PFDN1: variants seen among roughly 807,000 people sequenced by gnomAD.
PFDN1 encodes prefoldin subunit 1, also known as prefoldin 1.
Under a neutral mutation model 17.3 loss-of-function variants are expected in PFDN1, and 6 were observed. The observed-to-expected ratio is 0.35, with a 90% CI of 0.19 to 0.69. The LOEUF (loss-of-function observed/expected upper bound fraction) is 0.69, where lower values mean the gene tolerates loss of function less well. Among genes scored for constraint, PFDN1 ranks in the 30% least tolerant of loss-of-function variants. The pLI, the probability that PFDN1 is intolerant of heterozygous loss-of-function variation, is 0.65. For synonymous variants in PFDN1, 58 were observed against 50.1 expected (o/e 1.16, Z -0.67); for missense variants, 113 against 146.2 (o/e 0.77, Z 1.17).
Position 140,245,352 on chromosome 5 carries a change from G to A in PFDN1, c.*622C>T. On this transcript the variant is annotated 3_prime_UTR_variant, in exon 4 of 4. Coordinates refer to ENST00000261813, the MANE Select transcript of PFDN1 (RefSeq NM_002622.5). The stretch of plus-strand genomic sequence containing the variant: ...CTTTTGGAATGTATGGGAGAAGGCA[G>A]GGAAAGGAATCTTTAGGCAGACTGC... 1.5e-6 allele frequency: 1 copy of A among 658,254 alleles called. No homozygotes were observed. The highest frequency in any genetic ancestry group is 2.8e-6 in the Non-Finnish European group (1 of 361,904). The allele number at this position is 658,254 out of a possible 1,614,324, so 40.8% of individuals were successfully genotyped here.
At chr5:140,287,131 C>T (rs1765508753) in intron 2 of PFDN1, among the ~76,000 whole-genome samples, 1 of 152,154 alleles carries the variant, frequency 6.6e-6, no homozygotes, top group Non-Finnish European at 1.5e-5. Flanking sequence ...ATTTGTTTCT[C>T]ACAGGAGATA....
intron 2 of PFDN1, among the ~76,000 whole-genome samples, chr5:140,294,469 G>A (rs1765624624): frequency 6.6e-6 from 1 of 151,936 alleles, no homozygotes; most frequent in Non-Finnish European, 1.5e-5. Flanking sequence ...AGCAGTATGA[G>A]CATACCCCTT....
intron 3 of PFDN1, among the ~76,000 whole-genome samples, chr5:140,252,970 T>C (rs1187245170): frequency 6.6e-6 from 1 of 152,170 alleles, no homozygotes; most frequent in East Asian, 1.9e-4. Context: ...TATGCCCACT[T>C]GTAAACTCAT....
intron 1 of PFDN1, 38 bp from the exon 2 acceptor site, chr5:140,300,620 T>C (rs974234222): frequency 1.4e-6 from 2 of 1,414,686 alleles, no homozygotes; most frequent in Non-Finnish European, 1.9e-6. Context: ...AGGTAAAACA[T>C]TTTACAGGAA....
chr5:140,271,736 T>C (rs60714373), intron 3 of PFDN1, among the ~76,000 whole-genome samples: 28,829 of 151,818 alleles, frequency 0.19, 2,959 homozygotes, highest in South Asian at 0.24. Flanking sequence ...TCTAGATAGA[T>C]AAATTGTGGT....
chr5:140,249,865 T>C (rs6869910), intron 3 of PFDN1, among the ~76,000 whole-genome samples: 71,155 of 151,872 alleles, frequency 0.47, 16,917 homozygotes, highest in South Asian at 0.71. Flanking sequence ...CCCGCCCCCA[T>C]AATCCAAACA....
intron 1 of PFDN1, among the ~76,000 whole-genome samples, chr5:140,302,211 C>T (rs1765758413): frequency 1.3e-5 from 2 of 152,220 alleles, no homozygotes; most frequent in African/African-American, 4.8e-5. Flanking sequence ...TTTTCTGGCA[C>T]TGGTTCCTTT....
chr5:140,279,762 G>A (rs756657723), intron 3 of PFDN1, among the ~76,000 whole-genome samples: 19 of 151,756 alleles, frequency 1.3e-4, no homozygotes, highest in Admixed American at 4.6e-4. Flanking sequence ...TTGGGAGGCC[G>A]AGGCAGGCAG....
At chr5:140,272,191 T>C (rs961883310) in intron 3 of PFDN1, among the ~76,000 whole-genome samples, 2 of 151,612 alleles carry the variant, frequency 1.3e-5, no homozygotes, top group African/African-American at 2.4e-5. Context: ...AGCTAATTTT[T>C]GTATTTTTAG....
chr5:140,263,688 T>A (rs1445896380), intron 3 of PFDN1, among the ~76,000 whole-genome samples: 1 of 151,994 alleles, frequency 6.6e-6, no homozygotes, highest in African/African-American at 2.4e-5. Flanking sequence ...AGCACCAACA[T>A]CTGCTCAGTG....
intron 2 of PFDN1, among the ~76,000 whole-genome samples, chr5:140,284,772 A>G (rs1177175743): frequency 6.6e-6 from 1 of 152,240 alleles, no homozygotes; most frequent in South Asian, 2.1e-4. Flanking sequence ...ATTCGAGTTG[A>G]TGCTTTGCAA....
intron 3 of PFDN1, among the ~76,000 whole-genome samples, chr5:140,278,199 T>C (rs1053142843): frequency 2.6e-5 from 4 of 151,448 alleles, no homozygotes; most frequent in African/African-American, 4.9e-5. Flanking sequence ...CAGAGCAAGA[T>C]GCCATCTCAA....
intron 2 of PFDN1, among the ~76,000 whole-genome samples, chr5:140,290,707 A>T (rs1765567674): frequency 6.6e-6 from 1 of 152,220 alleles, no homozygotes; most frequent in Non-Finnish European, 1.5e-5. Context: ...ATTATTTTAG[A>T]GTGATGAAAA....
chr5:140,259,288 C>T (rs1442000888), intron 3 of PFDN1, among the ~76,000 whole-genome samples: 1 of 152,178 alleles, frequency 6.6e-6, no homozygotes, highest in Non-Finnish European at 1.5e-5. Flanking sequence ...AGATGAGCCT[C>T]AAGAACATGT....
chr5:140,250,509 A>C (rs879358227), intron 3 of PFDN1, among the ~76,000 whole-genome samples: 1 of 152,116 alleles, frequency 6.6e-6, no homozygotes, highest in Non-Finnish European at 1.5e-5. Context: ...TCTTCTCCAG[A>C]GCTCTTTCCA....
chr5:140,282,652 G>A (rs779902119), intron 2 of PFDN1, among the ~76,000 whole-genome samples: 1 of 152,098 alleles, frequency 6.6e-6, no homozygotes, highest in Non-Finnish European at 1.5e-5. Context: ...TGATGAGGGT[G>A]GAAATATGGA....
intron 3 of PFDN1, among the ~76,000 whole-genome samples, chr5:140,271,510 A>C (rs1765205349): frequency 6.6e-6 from 1 of 152,154 alleles, no homozygotes; most frequent in African/African-American, 2.4e-5. Context: ...GACATCCATA[A>C]GTGTCTAGCT....
intron 2 of PFDN1, among the ~76,000 whole-genome samples, chr5:140,290,640 C>A (rs1227700290): frequency 6.6e-6 from 1 of 152,132 alleles, no homozygotes; most frequent in Admixed American, 6.5e-5. Flanking sequence ...ACATTAGCAG[C>A]AGCCTGGAGC....
intron 2 of PFDN1, among the ~76,000 whole-genome samples, chr5:140,285,729 G>T (rs1057261696): frequency 1.3e-5 from 2 of 152,102 alleles, no homozygotes; most frequent in Admixed American, 1.3e-4. Flanking sequence ...GTGAAACTGG[G>T]AATTCAGGAA....
Sources: allele counts gnomAD v4.1 joint callset (sites outside exome capture counted in the v4.1 genomes callset), GRCh38; gene constraint gnomAD v4.1.1; transcripts MANE v1.5; gene names NCBI Gene and HGNC (gene_info 2026-07-23, HGNC 2026-07-21).